Variants in CDK14 observed in about 807,000 individuals in gnomAD.
The protein encoded by CDK14 is cyclin-dependent kinase 14.
A neutral mutation model predicts 60.7 loss-of-function variants in CDK14; 34 were observed. The ratio of observed to expected loss-of-function variants is 0.56; its 90% CI spans 0.43 to 0.75. The LOEUF (loss-of-function observed/expected upper bound fraction) is 0.75, where lower values mean the gene tolerates loss of function less well. Ranked by LOEUF, CDK14 falls within the 30% of genes least tolerant of loss-of-function variation. The probability of loss-of-function intolerance (pLI) is 0.00; values close to 1 mark genes in which losing one functional copy is unlikely to be tolerated. For synonymous variants in CDK14, 197 were observed against 203.7 expected, an observed-to-expected ratio of 0.97 and a Z score of 0.28; for missense variants, 482 against 564.1, an observed-to-expected ratio of 0.85 and a Z score of 1.47.
chr7:91,140,194 A>G (rs971872834), intron 14 of CDK14, among the ~76,000 whole-genome samples: 19 of 152,200 alleles, frequency 1.2e-4, no homozygotes, highest in Non-Finnish European at 1.9e-4. Context: ...GAGAGAGACA[A>G]TCTCTTTAAT....
chr7:90,750,885 A>C (rs944225156), intron 4 of CDK14, among the ~76,000 whole-genome samples: 5 of 152,156 alleles, frequency 3.3e-5, no homozygotes, highest in Admixed American at 3.3e-4. Context: ...AAAAAAGAAA[A>C]AAAAAGAAAA....
chr7:91,061,193 G>A (rs925724335), intron 11 of CDK14, among the ~76,000 whole-genome samples: 2 of 152,044 alleles, frequency 1.3e-5, no homozygotes, highest in Non-Finnish European at 2.9e-5. Context: ...TGATCGAATC[G>A]GCTACTGAGG....
At chr7:90,701,231 G>A (rs1203214519) in intron 2 of CDK14, among the ~76,000 whole-genome samples, 1 of 152,100 alleles carries the variant, frequency 6.6e-6, no homozygotes, top group Non-Finnish European at 1.5e-5. Context: ...ACAATTTGTA[G>A]GTGGTATCTA....
intron 5 of CDK14, among the ~76,000 whole-genome samples, chr7:90,860,557 C>G (rs1164040983): frequency 1.5e-5 from 2 of 137,380 alleles, no homozygotes; most frequent in Non-Finnish European, 3.0e-5. Flanking sequence ...GATAGAGTCT[C>G]ACTATGTTGC....
rs558443209 is a variant in CDK14, at chr7:91,162,480, C to G, written c.*28+44272C>G. 1.7e-3 allele frequency among the ~76,000 whole-genome samples: 252 copies of G among 152,230 alleles called. 2 individuals carry two copies. Among genetic ancestry groups the G allele is most frequent in the Middle Eastern group, 3.4e-3 (1 of 294 alleles). ...TGGAGGAACAAATGGGAGGAAGTCACGTTGAACTGGGCAGGAAACCGGGAA... is the reference window on the plus strand; with the variant it reads ...TGGAGGAACAAATGGGAGGAAGTCAGGTTGAACTGGGCAGGAAACCGGGAA... On this transcript the variant is annotated intron_variant, in intron 14 of 14. Transcript: ENST00000380050.
At chr7:90,708,606 G>C (rs180927338) in intron 2 of CDK14, among the ~76,000 whole-genome samples, 165 of 152,250 alleles carry the variant, frequency 1.1e-3, no homozygotes, top group African/African-American at 3.7e-3. Context: ...AAGATAGTTT[G>C]CAAGTGGGAG....
intron 7 of CDK14, among the ~76,000 whole-genome samples, chr7:90,909,629 C>T (rs537546668): frequency 5.0e-4 from 76 of 152,128 alleles, no homozygotes; most frequent in Non-Finnish European, 9.0e-4. Flanking sequence ...ACCTCCATAC[C>T]GGAAACACCA....
intron 4 of CDK14, among the ~76,000 whole-genome samples, chr7:90,781,275 C>A (rs1043971469): frequency 1.4e-4 from 21 of 152,048 alleles, no homozygotes; most frequent in Non-Finnish European, 2.1e-4. Context: ...TCGTTTTTTT[C>A]TTATAAATTT....
chr7:90,918,602 T>C (rs761497136), intron 8 of CDK14, among the ~76,000 whole-genome samples: 5 of 152,234 alleles, frequency 3.3e-5, no homozygotes, highest in Admixed American at 1.3e-4. Context: ...CGTGTTGACA[T>C]TGCATTGCCT....
At chr7:91,111,645 T>C (rs775413870) in intron 12 of CDK14, among the ~76,000 whole-genome samples, 18 of 152,168 alleles carry the variant, frequency 1.2e-4, no homozygotes, top group Non-Finnish European at 2.6e-4. Context: ...CACTACAAAA[T>C]AGCAATTGTT....
intron 14 of CDK14, among the ~76,000 whole-genome samples, chr7:91,203,371 G>A (rs146350368): frequency 3.9e-5 from 6 of 152,222 alleles, no homozygotes; most frequent in Non-Finnish European, 7.4e-5. Context: ...TGCCTGAGCC[G>A]GGCCTGGGCT....
chr7:90,917,464 G>T (rs1183832310), intron 7 of CDK14, 137 bp from the exon 8 acceptor site: 3 of 680,780 alleles, frequency 4.4e-6, no homozygotes, highest in East Asian at 2.7e-5. Flanking sequence ...CTCACATTCT[G>T]TTGAAATAAT....
At chr7:90,633,873 T>C (rs1800064884) in intron 2 of CDK14, among the ~76,000 whole-genome samples, 1 of 152,198 alleles carries the variant, frequency 6.6e-6, no homozygotes. Flanking sequence ...ATAGATTCTG[T>C]TGTAGGTACT....
intron 4 of CDK14, among the ~76,000 whole-genome samples, chr7:90,757,118 C>G (rs1039758078): frequency 7.9e-5 from 12 of 151,888 alleles, no homozygotes; most frequent in African/African-American, 2.9e-4. Context: ...TGCCTCTGTC[C>G]TAGCTTCTGG....
intron 10 of CDK14, among the ~76,000 whole-genome samples, chr7:90,989,001 A>AGTGAGTGT (rs1554399201): frequency 4.0e-5 from 6 of 149,750 alleles, no homozygotes; most frequent in Admixed American, 3.3e-4. Flanking sequence ...TTTGTGTGTG[A>AGTGAGTGT]GTGTGTGTGT....
chr7:90,888,753 GT>G (rs1026729975), intron 6 of CDK14, among the ~76,000 whole-genome samples: 6 of 151,922 alleles, frequency 3.9e-5, no homozygotes, highest in Admixed American at 2.6e-4. Flanking sequence ...TTGTCAGCCT[GT>G]TTTTTTTCTT....
intron 8 of CDK14, among the ~76,000 whole-genome samples, chr7:90,928,770 G>A (rs573194945): frequency 1.5e-4 from 23 of 152,342 alleles, no homozygotes; most frequent in Non-Finnish European, 3.1e-4. Context: ...GGACGTTTAA[G>A]TCTGCAGAAG....
chr7:91,028,379 C>T (rs1796664493), intron 10 of CDK14, among the ~76,000 whole-genome samples: 1 of 152,084 alleles, frequency 6.6e-6, no homozygotes, highest in African/African-American at 2.4e-5. Flanking sequence ...ATTGCATAGT[C>T]CTACAATTAA....
At chr7:90,898,289 C>G (rs1792398459) in intron 6 of CDK14, among the ~76,000 whole-genome samples, 1 of 151,988 alleles carries the variant, frequency 6.6e-6, no homozygotes, top group Non-Finnish European at 1.5e-5. Context: ...CATATGGGCT[C>G]AAAAATTACA....
Sources: gnomAD v4.1 joint callset for allele counts (sites outside exome capture counted in the v4.1 genomes callset) on GRCh38, gnomAD v4.1.1 for gene constraint, MANE v1.5 for transcripts, NCBI Gene and HGNC (gene_info 2026-07-23, HGNC 2026-07-21) for gene names.